ERP44: variants seen among roughly 807,000 people sequenced by gnomAD.
ERP44 encodes the protein endoplasmic reticulum protein 44, also known as endoplasmic reticulum resident protein 44.
ERP44 carries 25 observed loss-of-function variants against 53.4 expected under a neutral mutation model. The ratio of observed to expected loss-of-function variants is 0.47; its 90% CI spans 0.34 to 0.65. The LOEUF (loss-of-function observed/expected upper bound fraction) is 0.65, where lower values mean the gene tolerates loss of function less well. Among genes scored for constraint, ERP44 ranks in the 30% least tolerant of loss-of-function variants. The pLI, the probability that ERP44 is intolerant of heterozygous loss-of-function variation, is 0.01. For missense variants in ERP44, 338 were observed against 493.2 expected (o/e 0.69, Z 2.98); for synonymous variants, 145 against 161.2 (o/e 0.90, Z 0.76).
chr9:100,028,712 C>A (rs1830679115), intron 4 of ERP44, among the ~76,000 whole-genome samples: 1 of 152,116 alleles, frequency 6.6e-6, no homozygotes, highest in South Asian at 2.1e-4. Context: ...GTGATAGCAT[C>A]AATACTTGCA....
intron 1 of ERP44, among the ~76,000 whole-genome samples, chr9:100,062,583 G>C (rs1406996405): frequency 1.3e-5 from 2 of 152,124 alleles, no homozygotes; most frequent in East Asian, 3.9e-4. Flanking sequence ...GGTACTGAGG[G>C]CACAAATGCA....
chr9:100,069,473 C>T lies in ERP44; in HGVS notation c.58-9301G>A, dbSNP rs867749810. On this transcript the variant is annotated intron_variant, in intron 1 of 11. Transcript: ENST00000262455. ...ATAGGTACAAAGATATTTACTAAGG[C>T]TGTCTCTCCCTACTTGGAAAGCTGA... 1.4e-4 allele frequency among the ~76,000 whole-genome samples: 22 copies of T among 152,248 alleles called. No homozygotes were observed. The Middle Eastern group carries it at 0.01, about 71-fold the overall frequency.
intron 1 of ERP44, among the ~76,000 whole-genome samples, chr9:100,094,820 C>A (rs944786655): frequency 6.6e-6 from 1 of 151,472 alleles, no homozygotes; most frequent in Non-Finnish European, 1.5e-5. Flanking sequence ...AAAAATTAGC[C>A]AGGTGTGGTA....
At chr9:100,018,424 C>A in intron 6 of ERP44, 111 bp from the exon 7 acceptor site, 1 of 701,582 alleles carries the variant, frequency 1.4e-6, no homozygotes, top group Non-Finnish European at 2.6e-6. Flanking sequence ...CAAGACTATG[C>A]AATACCAAGA....
At chr9:100,015,406 G>A (rs1375092428) in intron 8 of ERP44, among the ~76,000 whole-genome samples, 2 of 152,184 alleles carry the variant, frequency 1.3e-5, no homozygotes, top group East Asian at 3.8e-4. Context: ...AGAAAGGAGA[G>A]AGGTCCTTAC....
intron 4 of ERP44, among the ~76,000 whole-genome samples, chr9:100,031,952 A>C (rs2118672772): frequency 6.6e-6 from 1 of 152,304 alleles, no homozygotes; most frequent in South Asian, 2.1e-4. Context: ...TGAGAGAACT[A>C]CTTAAGAAAT....
At chr9:99,996,993 G>GTGTATA (rs142393807) in intron 10 of ERP44, among the ~76,000 whole-genome samples, 1 of 143,658 alleles carries the variant, frequency 7.0e-6, no homozygotes. Context: ...ATATGTGTGT[G>GTGTATA]TATATATATA....
intron 4 of ERP44, 150 bp downstream of exon 4, chr9:100,052,267 C>A (rs745575856): frequency 9.6e-6 from 4 of 414,724 alleles, no homozygotes; most frequent in African/African-American, 6.3e-5. Flanking sequence ...TCACTAGAAC[C>A]TTTTCGGTTT....
chr9:99,987,712 T>C (rs1830209095), intron 10 of ERP44, among the ~76,000 whole-genome samples: 2 of 152,226 alleles, frequency 1.3e-5, no homozygotes, highest in Non-Finnish European at 1.5e-5. Context: ...CTGGCAACTG[T>C]TGACCTTCTA....
chr9:100,019,313 G>A (rs906926973), intron 6 of ERP44, among the ~76,000 whole-genome samples: 1 of 152,118 alleles, frequency 6.6e-6, no homozygotes, highest in South Asian at 2.1e-4. Flanking sequence ...GGAGGCAGAC[G>A]TGGGAGGATC....
intron 4 of ERP44, among the ~76,000 whole-genome samples, chr9:100,026,306 C>G (rs1429609376): frequency 6.6e-6 from 1 of 152,156 alleles, no homozygotes; most frequent in Non-Finnish European, 1.5e-5. Context: ...GTATCAAGAC[C>G]ACATGCAGCC....
At position 100,072,617 on chromosome 9, in the gene ERP44, G is replaced by A. The variant is rs550579233; in HGVS notation, c.58-12445C>T. Among the ~76,000 whole-genome samples the A allele has an allele frequency of 3.3e-5, 5 of 152,196 alleles. No individual in the cohort carries two copies. In the South Asian group the frequency reaches 6.2e-4, roughly 19 times the overall value. On this transcript the variant is annotated intron_variant, in intron 1 of 11. Transcript: ENST00000262455. Reference sequence around the variant, plus strand: ...GGCTCACTGCAACCTTCGCCTCCCTGGTTCAAGCGATTCTCCTGCCTCAGC... The same window carrying A: ...GGCTCACTGCAACCTTCGCCTCCCTAGTTCAAGCGATTCTCCTGCCTCAGC...
intron 7 of ERP44, 60 bp from the exon 8 acceptor site, chr9:100,016,498 A>AT (rs1439912992): frequency 1.1e-5 from 16 of 1,490,578 alleles, no homozygotes; most frequent in South Asian, 6.9e-5. Context: ...GTATATTCTT[A>AT]TTTTTTTTCT....
intron 4 of ERP44, among the ~76,000 whole-genome samples, chr9:100,037,911 G>T (rs76697086): frequency 6.6e-6 from 1 of 152,242 alleles, no homozygotes; most frequent in East Asian, 1.9e-4. Context: ...GAAACCTTAC[G>T]TGCCAGAAGA....
chr9:100,098,614 C>T (rs1185895878), intron 1 of ERP44, among the ~76,000 whole-genome samples, 170 bp downstream of exon 1: 2 of 152,190 alleles, frequency 1.3e-5, no homozygotes, highest in Non-Finnish European at 2.9e-5. Flanking sequence ...GCCTCGGGGA[C>T]TCCGCGCCTG....
Position 99,998,489 on chromosome 9 carries a change from G to A in ERP44, c.1016+8017C>T, listed in dbSNP as rs565455333. ...CTGCACTCTTCCTGGTCTCTCCACG[G>A]CCTCCCTCGGAGCCCCGCTGTCCCG... On this transcript the variant is annotated intron_variant, in intron 10 of 11. Coordinates refer to ENST00000262455, the MANE Select transcript of ERP44 (RefSeq NM_015051.3). 1.4e-5 allele frequency: 10 copies of A among 710,630 alleles called. No homozygotes were observed. The South Asian group carries it at 1.5e-4, about 11-fold the overall frequency. The allele number at this position is 710,630 out of a possible 1,614,324, so 44.0% of individuals were successfully genotyped here.
At chr9:100,001,646 T>G (rs1024559978) in intron 10 of ERP44, among the ~76,000 whole-genome samples, 1 of 152,204 alleles carries the variant, frequency 6.6e-6, no homozygotes, top group South Asian at 2.1e-4. Context: ...CTGCCCTCTT[T>G]TGGTTTCCAT....
intron 7 of ERP44, among the ~76,000 whole-genome samples, chr9:100,017,817 A>G (rs1403287734): frequency 6.6e-6 from 1 of 152,206 alleles, no homozygotes; most frequent in African/African-American, 2.4e-5. Flanking sequence ...CAGGTTAAAA[A>G]CAACCTAGCT....
intron 4 of ERP44, among the ~76,000 whole-genome samples, chr9:100,027,314 G>T (rs906553554): frequency 2.0e-5 from 3 of 152,238 alleles, no homozygotes; most frequent in African/African-American, 7.2e-5. Context: ...TATGGGATTA[G>T]ATATTCATTT....
Sources: allele counts gnomAD v4.1 joint callset (sites outside exome capture counted in the v4.1 genomes callset), GRCh38; gene constraint gnomAD v4.1.1; transcripts MANE v1.5; gene names NCBI Gene and HGNC (gene_info 2026-07-23, HGNC 2026-07-21).